STXBP5: variants seen among roughly 807,000 people sequenced by gnomAD.
STXBP5 encodes syntaxin binding protein 5.
A neutral mutation model predicts 152.4 loss-of-function variants in STXBP5; 50 were observed. That is an observed-to-expected ratio of 0.33 (90% CI 0.26 to 0.42). The LOEUF (loss-of-function observed/expected upper bound fraction) is 0.42. Ranked by LOEUF, STXBP5 falls within the 10% of genes least tolerant of loss-of-function variation. The pLI is 1.00. For missense variants in STXBP5, 1,167 were observed against 1,388.6 expected, an observed-to-expected ratio of 0.84 and a Z score of 2.54; for synonymous variants, 492 against 494.7, an observed-to-expected ratio of 0.99 and a Z score of 0.07.
At chr6:147,348,777 CCTAA>C (rs760463742) in intron 21 of STXBP5, among the ~76,000 whole-genome samples, 42 of 152,124 alleles carry the variant, frequency 2.8e-4, no homozygotes, top group South Asian at 4.1e-4. Flanking sequence ...TTGGAAAATG[CCTAA>C]CTGATTCATA....
At chr6:147,217,771 A>G (rs943910152) in intron 2 of STXBP5, among the ~76,000 whole-genome samples, 5 of 152,212 alleles carry the variant, frequency 3.3e-5, no homozygotes, top group African/African-American at 9.6e-5. Context: ...CATTAAAACA[A>G]AAAAGCAGTT....
chr6:147,262,242 T>G, intron 5 of STXBP5, 48 bp from the exon 6 acceptor site: 1 of 1,141,708 alleles, frequency 8.8e-7, no homozygotes, highest in Non-Finnish European at 1.3e-6. Flanking sequence ...GTAGCCATAT[T>G]AAAATTCTTA....
At chr6:147,206,217 AT>A in intron 2 of STXBP5, 149 bp downstream of exon 2, 1 of 643,814 alleles carries the variant, frequency 1.6e-6, no homozygotes, top group Non-Finnish European at 2.6e-6. Flanking sequence ...TTTTCCCTTG[AT>A]TATAATTCAG....
intron 8 of STXBP5, among the ~76,000 whole-genome samples, chr6:147,287,495 C>A (rs1418264614): frequency 1.3e-5 from 2 of 152,288 alleles, no homozygotes; most frequent in Admixed American, 6.5e-5. Flanking sequence ...AGCCACCGCG[C>A]CCGGCCTGTA....
At chr6:147,365,194 T>C (rs1258618798) in intron 25 of STXBP5, among the ~76,000 whole-genome samples, 1 of 152,186 alleles carries the variant, frequency 6.6e-6, no homozygotes, top group South Asian at 2.1e-4. Context: ...CTGAGTAGTA[T>C]TGTAAACTTT....
At chr6:147,246,690 C>T (rs116841115) in intron 4 of STXBP5, among the ~76,000 whole-genome samples, 1 of 151,852 alleles carries the variant, frequency 6.6e-6, no homozygotes, top group Non-Finnish European at 1.5e-5. Flanking sequence ...TAGAGAATAA[C>T]ATAAGTGTGC....
chr6:147,217,351 A>G (rs1777222670), intron 2 of STXBP5, among the ~76,000 whole-genome samples: 1 of 152,238 alleles, frequency 6.6e-6, no homozygotes, highest in Non-Finnish European at 1.5e-5. Flanking sequence ...GCATCTGGGA[A>G]TGGATGCTGG....
chr6:147,342,934 C>T (rs1159171708), intron 21 of STXBP5, among the ~76,000 whole-genome samples: 1 of 152,010 alleles, frequency 6.6e-6, no homozygotes, highest in Non-Finnish European at 1.5e-5. Context: ...CTAGCTGGAA[C>T]CCATAGTCTG....
At chr6:147,286,621 T>C (rs545958637) in intron 8 of STXBP5, among the ~76,000 whole-genome samples, 1 of 152,234 alleles carries the variant, frequency 6.6e-6, no homozygotes, top group East Asian at 1.9e-4. Context: ...CATCAGAAAA[T>C]AATTAATGTA....
chr6:147,257,757 G>T (rs2115322664), intron 4 of STXBP5, among the ~76,000 whole-genome samples: 1 of 152,178 alleles, frequency 6.6e-6, no homozygotes, highest in South Asian at 2.1e-4. Context: ...TATTTTAGTT[G>T]AGTTTATTTT....
intron 2 of STXBP5, among the ~76,000 whole-genome samples, 185 bp from the exon 3 acceptor site, chr6:147,235,065 T>C (rs1778201427): frequency 6.6e-6 from 1 of 152,116 alleles, no homozygotes. Context: ...AAACCTGTAA[T>C]CTCTGAGACT....
chr6:147,287,476 A>C (rs1470750800), intron 8 of STXBP5, among the ~76,000 whole-genome samples: 2 of 152,100 alleles, frequency 1.3e-5, no homozygotes, highest in East Asian at 3.9e-4. Flanking sequence ...TGCTGGGATT[A>C]CAGGCGTGAG....
At chr6:147,384,116 A>G (rs1244664208) in intron 27 of STXBP5, among the ~76,000 whole-genome samples, 2 of 152,114 alleles carry the variant, frequency 1.3e-5, no homozygotes, top group Non-Finnish European at 2.9e-5. Context: ...CTTGAGCCAT[A>G]TTTCAGAGTC....
chr6:147,238,354 G>C (rs185471210), intron 3 of STXBP5, among the ~76,000 whole-genome samples: 360 of 152,166 alleles, frequency 2.4e-3, no homozygotes, highest in African/African-American at 8.1e-3. Flanking sequence ...ATCCTGTGAG[G>C]GAAAGAACTC....
At chr6:147,245,965 A>G (rs926124931) in intron 4 of STXBP5, among the ~76,000 whole-genome samples, 1 of 152,170 alleles carries the variant, frequency 6.6e-6, no homozygotes, top group African/African-American at 2.4e-5. Context: ...GAGAGAATCA[A>G]TTCCTGTTGT....
Position 147,359,260 on chromosome 6 carries a change from G to C in STXBP5, c.2482G>C (p.Ala828Pro). ...GTTLGTVLVI[A>P]LNLPPGGEQR... ...AACGCTAGGAACAGTGCTTGTCATT[G>C]CACTGAACCTTCCCCCAGGGGGAGA... The change falls in exon 23 of 28, where the codon GCA (alanine) becomes CCA (proline). Residue 828 changes from alanine (A) to proline (P), a missense_variant. This residue lies in a region of STXBP5 where 833 missense variants were observed against 986.3 expected (regional missense o/e 0.84). Transcript: ENST00000321680. 6.2e-7 allele frequency: 1 copy of C among 1,613,998 alleles called. No individual in the cohort carries two copies. The highest frequency in any genetic ancestry group is 8.5e-7 in the Non-Finnish European group (1 of 1,179,924).
intron 26 of STXBP5, among the ~76,000 whole-genome samples, chr6:147,378,125 C>T (rs1478166278): frequency 6.6e-6 from 1 of 152,024 alleles, no homozygotes; most frequent in African/African-American, 2.4e-5. Context: ...AATTGGGCTT[C>T]ACTAATATTT....
At chr6:147,309,852 G>A (rs1210388620) in intron 9 of STXBP5, among the ~76,000 whole-genome samples, 1 of 152,028 alleles carries the variant, frequency 6.6e-6, no homozygotes, top group Non-Finnish European at 1.5e-5. Context: ...TTTTAGGGAG[G>A]TATAAAAGTT....
At chr6:147,273,493 T>C (rs746364840) in intron 7 of STXBP5, among the ~76,000 whole-genome samples, 1 of 152,212 alleles carries the variant, frequency 6.6e-6, no homozygotes, top group Non-Finnish European at 1.5e-5. Context: ...GTCATATGTC[T>C]AGGGTCATCT....
Sources: allele counts gnomAD v4.1 joint callset (sites outside exome capture counted in the v4.1 genomes callset), GRCh38; gene constraint gnomAD v4.1.1; regional missense constraint gnomAD v4.1.1; transcripts MANE v1.5; gene names NCBI Gene and HGNC (gene_info 2026-07-23, HGNC 2026-07-21).